Variants in CDH12 observed in about 807,000 individuals in gnomAD.
The protein encoded by CDH12 is cadherin-12.
In CDH12, 41 loss-of-function variants were observed where a neutral mutation model predicts 74.1. The ratio of observed to expected loss-of-function variants is 0.55; its 90% confidence interval spans 0.43 to 0.72. The LOEUF is 0.72. Among genes scored for constraint, CDH12 ranks in the 30% least tolerant of loss-of-function variants. The pLI, the probability that CDH12 is intolerant of heterozygous loss-of-function variation, is 0.00. For synonymous variants in CDH12, 399 were observed against 355.0 expected, an observed-to-expected ratio of 1.12 and a Z score of -1.39; for missense variants, 945 against 977.2, an observed-to-expected ratio of 0.97 and a Z score of 0.44.
chr5:22,816,250 T>C (rs1749388611), intron 1 of CDH12, among the ~76,000 whole-genome samples: 1 of 152,172 alleles, frequency 6.6e-6, no homozygotes, highest in Non-Finnish European at 1.5e-5. Flanking sequence ...GGTTCTGTTA[T>C]TATCACCAAT....
chr5:21,760,820 A>G (rs1744679484), intron 12 of CDH12, 145 bp from the exon 13 acceptor site: 4 of 648,352 alleles, frequency 6.2e-6, no homozygotes, highest in Non-Finnish European at 1.1e-5. Flanking sequence ...ATTTACACAT[A>G]ATGTTTATAA....
chr5:21,797,715 T>C (rs376581122), intron 10 of CDH12, among the ~76,000 whole-genome samples: 6 of 152,262 alleles, frequency 3.9e-5, no homozygotes, highest in Non-Finnish European at 1.5e-5. Flanking sequence ...GAGAATTTCT[T>C]TCATGTTAAC....
intron 1 of CDH12, among the ~76,000 whole-genome samples, chr5:22,546,230 C>T (rs1738321596): frequency 6.6e-6 from 1 of 152,122 alleles, no homozygotes. Context: ...AGGCATGAGC[C>T]ACCACACCCG....
intron 3 of CDH12, among the ~76,000 whole-genome samples, chr5:22,267,274 G>C (rs532376080): frequency 6.6e-6 from 1 of 152,256 alleles, no homozygotes; most frequent in African/African-American, 2.4e-5. Flanking sequence ...TTGATCAACT[G>C]TTATGAGTAA....
chr5:21,856,082 A>T (rs1253985703), intron 6 of CDH12, among the ~76,000 whole-genome samples: 1 of 151,670 alleles, frequency 6.6e-6, no homozygotes, highest in African/African-American at 2.4e-5. Flanking sequence ...GTAGATAAAC[A>T]TTACTAGGAA....
intron 3 of CDH12, among the ~76,000 whole-genome samples, chr5:22,257,829 T>G (rs1753371691): frequency 6.6e-6 from 1 of 152,082 alleles, no homozygotes; most frequent in Non-Finnish European, 1.5e-5. Context: ...AATCAGACCT[T>G]GTCAATGACC....
At chr5:22,748,907 G>T (rs1265588335) in intron 1 of CDH12, among the ~76,000 whole-genome samples, 1 of 152,096 alleles carries the variant, frequency 6.6e-6, no homozygotes, top group Non-Finnish European at 1.5e-5. Context: ...TTCATGCCAG[G>T]CTATTTTTGC....
chr5:22,536,453 G>A (rs1391855084), intron 1 of CDH12, among the ~76,000 whole-genome samples: 1 of 152,134 alleles, frequency 6.6e-6, no homozygotes, highest in Non-Finnish European at 1.5e-5. Context: ...AGTGGTAGTG[G>A]TGGTGTTGGC....
intron 1 of CDH12, among the ~76,000 whole-genome samples, chr5:22,823,003 A>G (rs962409491): frequency 6.6e-6 from 1 of 152,180 alleles, no homozygotes; most frequent in Non-Finnish European, 1.5e-5. Flanking sequence ...ACAAGGATAG[A>G]CTGGATTAAG....
chr5:22,386,274 GT>G, intron 3 of CDH12, among the ~76,000 whole-genome samples: 1 of 152,234 alleles, frequency 6.6e-6, no homozygotes, highest in Middle Eastern at 3.4e-3. Flanking sequence ...CCATGATCCA[GT>G]CATCTCCCAC....
chr5:22,440,928 A>G (rs1744599325), intron 2 of CDH12, among the ~76,000 whole-genome samples: 1 of 152,160 alleles, frequency 6.6e-6, no homozygotes, highest in Non-Finnish European at 1.5e-5. Context: ...TAATCAGCCT[A>G]TGTAAAAGTG....
At chr5:22,568,948 T>C (rs964078095) in intron 1 of CDH12, among the ~76,000 whole-genome samples, 1 of 152,200 alleles carries the variant, frequency 6.6e-6, no homozygotes, top group East Asian at 1.9e-4. Flanking sequence ...CTTGTCTTGA[T>C]GTGGATGGCT....
intron 6 of CDH12, among the ~76,000 whole-genome samples, chr5:21,861,849 T>G (rs1751062450): frequency 6.6e-6 from 1 of 151,906 alleles, no homozygotes; most frequent in South Asian, 2.1e-4. Flanking sequence ...TTATATGTAT[T>G]TTTTATTTTA....
chr5:22,723,897 TATA>T (rs1229448980), intron 1 of CDH12, among the ~76,000 whole-genome samples: 1 of 152,010 alleles, frequency 6.6e-6, no homozygotes, highest in Admixed American at 6.6e-5. Flanking sequence ...CTCATAGGGT[TATA>T]ATAACACACA....
chr5:22,178,706 T>C (rs973565245), intron 4 of CDH12, among the ~76,000 whole-genome samples: 1 of 152,206 alleles, frequency 6.6e-6, no homozygotes, highest in African/African-American at 2.4e-5. Context: ...TCAATCTTTT[T>C]AACTTTGTAA....
intron 2 of CDH12, among the ~76,000 whole-genome samples, chr5:22,413,737 T>A (rs984446813): frequency 2.0e-5 from 3 of 152,052 alleles, no homozygotes; most frequent in Non-Finnish European, 2.9e-5. Flanking sequence ...ATAGAAAGTT[T>A]ATTCACATTA....
intron 5 of CDH12, among the ~76,000 whole-genome samples, chr5:21,980,559 C>A (rs1757265482): frequency 6.6e-6 from 1 of 151,672 alleles, no homozygotes; most frequent in East Asian, 1.9e-4. Flanking sequence ...TTTATTTGTC[C>A]CTGTGTTTAT....
intron 6 of CDH12, among the ~76,000 whole-genome samples, chr5:21,861,899 A>AGT (rs59953319): frequency 0.63 from 93,204 of 147,702 alleles, 32,456 homozygotes; most frequent in Non-Finnish European, 0.77. Context: ...GGTCATTTCT[A>AGT]GTGTGTGTGT....
At chr5:22,338,092 T>C (rs1408167515) in intron 3 of CDH12, among the ~76,000 whole-genome samples, 1 of 152,182 alleles carries the variant, frequency 6.6e-6, no homozygotes, top group African/African-American at 2.4e-5. Flanking sequence ...GACAGAAAAT[T>C]AGTAACTCAA....
Sources: gnomAD v4.1 joint callset for allele counts (sites outside exome capture counted in the v4.1 genomes callset) on GRCh38, gnomAD v4.1.1 for gene constraint, MANE v1.5 for transcripts, NCBI Gene and HGNC (gene_info 2026-07-23, HGNC 2026-07-21) for gene names.